The following DDI2 variants were observed in gnomAD, a reference collection of about 807,000 sequenced individuals.
The protein encoded by DDI2 is protein DDI1 homolog 2.
A neutral mutation model predicts 48.1 loss-of-function variants in DDI2; 5 were observed. The observed-to-expected ratio is 0.10, with a 90% CI of 0.05 to 0.22. DDI2 has a LOEUF of 0.22. Among genes scored for constraint, DDI2 ranks in the 10% least tolerant of loss-of-function variants. DDI2 has a pLI of 1.00. For missense variants in DDI2, 285 were observed against 506.2 expected (o/e 0.56, Z 4.19); for synonymous variants, 205 against 183.6 (o/e 1.12, Z -0.94).
In DDI2 at chr1:15,660,797, T is replaced by G; in HGVS notation, c.*1007T>G. The G allele has an allele frequency of 6.2e-7, 1 of 1,614,114 alleles. No individual in the cohort carries two copies. Among genetic ancestry groups the G allele is most frequent in the Non-Finnish European group, 8.5e-7 (1 of 1,180,012 alleles). On this transcript the variant is annotated 3_prime_UTR_variant, in exon 10 of 10. Coordinates refer to ENST00000480945, the MANE Select transcript of DDI2 (RefSeq NM_032341.5). Reference sequence around the variant, plus strand: ...AATGATTCCATTTCCACTCAGGATTTACAGCCCCCAGAAACTAATGTTGAA... The same window carrying G: ...AATGATTCCATTTCCACTCAGGATTGACAGCCCCCAGAAACTAATGTTGAA...
intron 1 of DDI2, among the ~76,000 whole-genome samples, chr1:15,623,544 C>T (rs1639703474): frequency 1.0e-5 from 1 of 98,670 alleles, no homozygotes; most frequent in African/African-American, 5.6e-5. Flanking sequence ...CAGGCATATG[C>T]TACCATGCCT....
chr1:15,660,674 A>G lies in DDI2; in HGVS notation c.*884A>G. 1 of 1,614,224 alleles carries G rather than the reference A, an allele frequency of 6.2e-7. No individual in the cohort carries two copies. ...TTGCTTAATTCAACAGGCAGGCAGA[A>G]TGCCAATGTCAAGAACATTGGTGCA... On this transcript the variant is annotated 3_prime_UTR_variant, in exon 10 of 10. Coordinates refer to ENST00000480945, the MANE Select transcript of DDI2 (RefSeq NM_032341.5).
At chr1:15,634,054 T>G in intron 4 of DDI2, 1 of 255,622 alleles carries the variant, frequency 3.9e-6, no homozygotes, top group Non-Finnish European at 7.9e-6. Flanking sequence ...TTTCTTGTAC[T>G]GGCCTCAGTG....
rs371567113 is a variant in DDI2, at chr1:15,617,733, C to G, written c.63C>G (p.Val21=). The part of the protein sequence containing the change: ...DLSEVTFSLQ[V]DADFELHNFR... ...CCGAGGTGACCTTTTCCCTCCAGGT[C>G]GACGCCGACTTCGAGCTGCACAACT... is the stretch of plus-strand genomic sequence containing the variant. The change falls in exon 1 of 10, where the codon GTC becomes GTG. Residue 21 remains valine, a synonymous_variant. Transcript: ENST00000480945. 6 of 1,610,684 alleles carry G rather than the reference C, an allele frequency of 3.7e-6. No individual in the cohort carries two copies. The highest frequency in any genetic ancestry group is 2.2e-5 in the East Asian group (1 of 44,726).
At chr1:15,631,647 G>C (rs751853896) in intron 3 of DDI2, among the ~76,000 whole-genome samples, 1 of 152,102 alleles carries the variant, frequency 6.6e-6, no homozygotes, top group Non-Finnish European at 1.5e-5. Context: ...CAAGACACAG[G>C]ACATTTCTCT....
chr1:15,631,538 A>G (rs2103465665), intron 3 of DDI2, among the ~76,000 whole-genome samples: 1 of 152,354 alleles, frequency 6.6e-6, no homozygotes. Context: ...CTCATTCCTC[A>G]ATTGACTGTC....
At position 15,657,815 on chromosome 1, in the gene DDI2, AAACT is replaced by A. The variant is rs1257333940; in HGVS notation, c.*46+1139_*46+1142del. ...GACATCTGGTGGTATGAAAATAAAA[AAACT>A]AATAACTGTGTTTCTAGACTCTAAT... On this transcript the variant is annotated intron_variant, in intron 9 of 9. Coordinates refer to ENST00000480945, the MANE Select transcript of DDI2 (RefSeq NM_032341.5). Among the ~76,000 whole-genome samples, 6 of 152,226 alleles carry A rather than the reference AAACT, an allele frequency of 3.9e-5. No homozygotes were observed. In the East Asian group the frequency reaches 1.2e-3, roughly 29 times the overall value.
chr1:15,649,119 G>A lies in DDI2; in HGVS notation c.890-601G>A, dbSNP rs376158569. Among the ~76,000 whole-genome samples, 17 of 151,724 alleles carry A rather than the reference G, an allele frequency of 1.1e-4. No individual in the cohort carries two copies. The South Asian group carries it at 1.9e-3, about 17-fold the overall frequency. ...TGGCTCACGCCTGTAATCCCAGCAC[G>A]TTGGGAGGCCAAGGTGGGTGGATCA... On this transcript the variant is annotated intron_variant, in intron 6 of 9. Transcript: ENST00000480945.
Position 15,654,355 on chromosome 1 carries a change from A to G in DDI2, c.1184-2262A>G, listed in dbSNP as rs184058897. On this transcript the variant is annotated intron_variant, in intron 8 of 9. Transcript: ENST00000480945. ...ATCACCTTTTGGCTTAGTTTTATGT[A>G]TAAAGTACAGTTTGAGTCAGGGCGT... 3.0e-4 allele frequency among the ~76,000 whole-genome samples: 45 copies of G among 152,244 alleles called. No individual in the cohort carries two copies. The East Asian group carries it at 4.8e-3, about 16-fold the overall frequency.
At chr1:15,626,637 T>C in intron 1 of DDI2, 32 bp from the exon 2 acceptor site, 1 of 1,613,904 alleles carries the variant, frequency 6.2e-7, no homozygotes, top group Non-Finnish European at 8.5e-7. Flanking sequence ...TTCTCAGTGC[T>C]TTATACTGTT....
In DDI2 at chr1:15,659,960, G is replaced by T. The variant is rs928719800; in HGVS notation, c.*170G>T. 5 of 1,614,146 alleles carry T rather than the reference G, an allele frequency of 3.1e-6. No homozygotes were observed. The highest frequency in any genetic ancestry group is 1.6e-4 in the Middle Eastern group (1 of 6,062). ...GTTGGTAATCCTATGAGTCTTGCTCGCTCTGTCTCTGCTTCAGTCTGCCCT... is the reference window on the plus strand; with the variant it reads ...GTTGGTAATCCTATGAGTCTTGCTCTCTCTGTCTCTGCTTCAGTCTGCCCT... On this transcript the variant is annotated 3_prime_UTR_variant, in exon 10 of 10. Coordinates refer to ENST00000480945, the MANE Select transcript of DDI2 (RefSeq NM_032341.5).
intron 4 of DDI2, among the ~76,000 whole-genome samples, chr1:15,634,680 T>G (rs1639900819): frequency 1.3e-5 from 2 of 151,774 alleles, no homozygotes; most frequent in South Asian, 4.2e-4. Context: ...TACAGGCATC[T>G]GTCACCACGC....
intron 2 of DDI2, among the ~76,000 whole-genome samples, chr1:15,627,367 T>A (rs1414674785): frequency 6.6e-6 from 1 of 152,236 alleles, no homozygotes; most frequent in African/African-American, 2.4e-5. Context: ...GAATTAAAAT[T>A]TGATGCTTTT....
chr1:15,636,195 G>A lies in DDI2; in HGVS notation c.633-2112G>A, dbSNP rs116201097. On this transcript the variant is annotated intron_variant, in intron 4 of 9. Transcript: ENST00000480945. ...CGTTTAGGCTGGAGTGTAGTGGCAC[G>A]ATCATGGCTCATAGCCTCAACTTCT... Among the ~76,000 whole-genome samples the A allele has an allele frequency of 8.1e-3, 1,231 of 152,080 alleles. 16 individuals carry two copies. The highest frequency in any genetic ancestry group is 0.027 in the African/African-American group (1,121 of 41,462).
At chr1:15,633,348 A>G (rs1639877012) in intron 3 of DDI2, 91 bp from the exon 4 acceptor site, 9 of 1,453,382 alleles carry the variant, frequency 6.2e-6, no homozygotes, top group South Asian at 1.2e-5. Flanking sequence ...TCTCTTACAG[A>G]TGTAGTTTGA....
At chr1:15,647,975 T>TCA in intron 6 of DDI2, among the ~76,000 whole-genome samples, 1 of 152,160 alleles carries the variant, frequency 6.6e-6, no homozygotes, top group Non-Finnish European at 1.5e-5. Flanking sequence ...AAAAAAAATT[T>TCA]TTTTTTACAA....
At position 15,663,430 on chromosome 1, in the gene DDI2, G is replaced by T. The variant is rs1004349956; in HGVS notation, c.*3640G>T. ...GTTATAAGACTTTAGTGATGGGATG[G>T]CGTGTCACGTAGATTCATCATGATC... is the stretch of plus-strand genomic sequence containing the variant. On this transcript the variant is annotated 3_prime_UTR_variant, in exon 10 of 10. Transcript: ENST00000480945. The T allele has an allele frequency of 3.9e-5, 6 of 152,164 alleles. No individual in the cohort carries two copies. The highest frequency in any genetic ancestry group is 1.4e-4 in the African/African-American group (6 of 41,416). The allele number at this position is 152,164 out of a possible 1,614,324, so 9.4% of individuals were successfully genotyped here.
rs1640043443 is a variant in DDI2, at chr1:15,643,666, T to G, written c.889+16T>G. 1.2e-6 allele frequency: 2 copies of G among 1,612,686 alleles called. No individual in the cohort carries two copies. The highest frequency in any genetic ancestry group is 2.2e-5 in the South Asian group (2 of 90,754). On this transcript the variant is annotated intron_variant, in intron 6 of 9. Transcript: ENST00000480945. The stretch of plus-strand genomic sequence containing the variant: ...GTACATCTAGGTGAGCAAAAGGCAC[T>G]GGGGCTTGCTGTCTTTCTGTAGGCT...
chr1:15,623,518 C>T (rs1639703087), intron 1 of DDI2, among the ~76,000 whole-genome samples: 1 of 149,298 alleles, frequency 6.7e-6, no homozygotes, highest in African/African-American at 2.5e-5. Flanking sequence ...TTCAGTCTCC[C>T]AAATAGTTGA....
Sources: gnomAD v4.1 joint callset for allele counts (sites outside exome capture counted in the v4.1 genomes callset) on GRCh38, gnomAD v4.1.1 for gene constraint, MANE v1.5 for transcripts, NCBI Gene and HGNC (gene_info 2026-07-23, HGNC 2026-07-21) for gene names.